The following EXD3 variants were observed in gnomAD, a reference collection of about 807,000 sequenced individuals.
The protein encoded by EXD3 is exonuclease 3'-5' domain containing 3, also known as exonuclease mut-7 homolog.
EXD3 carries 92 observed loss-of-function variants against 98.0 expected under a neutral mutation model. The ratio of observed to expected loss-of-function variants is 0.94; its 90% CI spans 0.79 to 1.12. EXD3 has a LOEUF of 1.12. EXD3 is among the 50% of genes most tolerant of loss of function. The pLI, the probability that EXD3 is intolerant of heterozygous loss-of-function variation, is 0.00. For missense variants in EXD3, 1,222 were observed against 1,191.6 expected (o/e 1.03, Z -0.38); for synonymous variants, 569 against 526.0 (o/e 1.08, Z -1.12).
chr9:137,313,152 A>G (rs554889745), intron 19 of EXD3, among the ~76,000 whole-genome samples: 24 of 152,096 alleles, frequency 1.6e-4, no homozygotes, highest in Non-Finnish European at 3.2e-4. Context: ...GCTTGAGGGA[A>G]AGAGGAGGGC....
At position 137,346,665 on chromosome 9, in the gene EXD3, G is replaced by C. The variant is rs111782856; in HGVS notation, c.1998+1406C>G. Among the ~76,000 whole-genome samples the C allele has an allele frequency of 1.5e-3, 232 of 151,944 alleles. 2 individuals are homozygous for C. The highest frequency in any genetic ancestry group is 5.4e-3 in the African/African-American group (222 of 41,204). Reference sequence around the variant, plus strand: ...CACTTTTAATGTCCGTATTTCCACAGACGGTCGGTTTCAAGGCCCTCTAGG... The same window carrying C: ...CACTTTTAATGTCCGTATTTCCACACACGGTCGGTTTCAAGGCCCTCTAGG... On this transcript the variant is annotated intron_variant, in intron 17 of 21. Transcript: ENST00000340951.
intron 17 of EXD3, among the ~76,000 whole-genome samples, chr9:137,335,030 T>C (rs1238186219): frequency 1.3e-5 from 2 of 151,492 alleles, no homozygotes; most frequent in Non-Finnish European, 2.9e-5. Context: ...TGAGCAGAGA[T>C]TGCACCACTG....
intron 17 of EXD3, among the ~76,000 whole-genome samples, chr9:137,334,235 CA>C (rs1274969738): frequency 6.6e-6 from 1 of 152,220 alleles, no homozygotes; most frequent in African/African-American, 2.4e-5. Context: ...CGCCCGACCT[CA>C]GGTAATCCGC....
At chr9:137,339,690 G>C (rs1833550005) in intron 17 of EXD3, among the ~76,000 whole-genome samples, 1 of 152,162 alleles carries the variant, frequency 6.6e-6, no homozygotes, top group African/African-American at 2.4e-5. Flanking sequence ...TGCCAGGAAA[G>C]CATTAGGTAG....
At chr9:137,327,568 T>A (rs1319727987) in intron 17 of EXD3, among the ~76,000 whole-genome samples, 1 of 152,118 alleles carries the variant, frequency 6.6e-6, no homozygotes, top group Non-Finnish European at 1.5e-5. Flanking sequence ...GTTATGTATG[T>A]TTTACCACAA....
rs146661398 is a variant in EXD3, at chr9:137,367,546, TCA to T, written c.516+388_516+389del. The stretch of plus-strand genomic sequence containing the variant: ...AGGACTGTGTCATCTGTCCGGAAAT[TCA>T]CAGTTAGGTGACTGCTTCCCCCAGC... On this transcript the variant is annotated intron_variant, in intron 6 of 21. Coordinates refer to ENST00000340951, the MANE Select transcript of EXD3 (RefSeq NM_017820.5). The T allele has an allele frequency of 5.4e-4, 101 of 186,308 alleles. No individual in the cohort carries two copies. The East Asian group carries it at 0.014, about 26-fold the overall frequency. 11.5% of individuals were successfully genotyped at this position (186,308 alleles called of 1,614,324 possible). A position where few individuals can be genotyped will look rare whatever the true frequency, so the allele number is the denominator to read the frequency against.
At chr9:137,353,035 C>T (rs1260093532) in intron 10 of EXD3, 40 of 1,328,470 alleles carry the variant, frequency 3.0e-5, no homozygotes, top group South Asian at 2.8e-4. Flanking sequence ...GCTGGCCTTC[C>T]GGGTCTCCAA....
rs1322956519 is a variant in EXD3, at chr9:137,351,162, C to A, written c.1385-15G>T. ...CATCCCGTAGCCTGTGGGCAGGAAC[C>A]ATCGTGGGAGGGGCGCCTGCAGGCA... On this transcript the variant is annotated splice_polypyrimidine_tract_variant and intron_variant, in intron 13 of 21. Transcript: ENST00000340951. The A allele has an allele frequency of 6.4e-7, 1 of 1,561,220 alleles. No individual in the cohort carries two copies.
chr9:137,388,425 G>A (rs1466183901), intron 2 of EXD3, among the ~76,000 whole-genome samples: 8 of 152,190 alleles, frequency 5.3e-5, no homozygotes, highest in Admixed American at 2.0e-4. Flanking sequence ...AACGACACCC[G>A]GCTAATGGGG....
At chr9:137,308,959 T>G (rs1831213172) in intron 20 of EXD3, among the ~76,000 whole-genome samples, 1 of 152,174 alleles carries the variant, frequency 6.6e-6, no homozygotes, top group Non-Finnish European at 1.5e-5. Flanking sequence ...CTGACCTCTT[T>G]CTATCCACCT....
Position 137,347,023 on chromosome 9 carries a change from C to T in EXD3, c.1998+1048G>A, listed in dbSNP as rs899119821. Among the ~76,000 whole-genome samples the T allele has an allele frequency of 6.6e-6, 1 of 152,128 alleles. No homozygotes were observed. The highest frequency in any genetic ancestry group is 1.5e-5 in the Non-Finnish European group (1 of 68,030). On this transcript the variant is annotated intron_variant, in intron 17 of 21. Coordinates refer to ENST00000340951, the MANE Select transcript of EXD3 (RefSeq NM_017820.5). This position sits in a 1 kb window ranked among gnomAD's most constrained non-coding sequence, Gnocchi z 4.2. ...GAGAGACAGGGTTTCACCATCTTGG[C>T]CAGGCTGGTCTTGAACCCCTGACCT... is the stretch of plus-strand genomic sequence containing the variant.
intron 17 of EXD3, among the ~76,000 whole-genome samples, chr9:137,344,092 C>T (rs898705375): frequency 1.3e-5 from 2 of 151,256 alleles, no homozygotes; most frequent in Admixed American, 1.3e-4. Flanking sequence ...GGGGTTTCAC[C>T]GTGTTAGCCA....
At chr9:137,412,881 G>A (rs1258501736) in intron 1 of EXD3, among the ~76,000 whole-genome samples, 3 of 151,900 alleles carry the variant, frequency 2.0e-5, no homozygotes, top group Non-Finnish European at 4.4e-5. Context: ...GGGCTCAAAC[G>A]ATCCTCCCAC....
At chr9:137,373,651 T>C in intron 3 of EXD3, 52 bp from the exon 4 acceptor site, 1 of 1,522,102 alleles carries the variant, frequency 6.6e-7, no homozygotes, top group Middle Eastern at 1.7e-4. Context: ...CAAAGCCTCC[T>C]GGCAAGGCCT....
At chr9:137,412,294 G>A (rs1011912447) in intron 1 of EXD3, among the ~76,000 whole-genome samples, 1 of 152,244 alleles carries the variant, frequency 6.6e-6, no homozygotes. Flanking sequence ...GAAAGTGCAA[G>A]ACACGTGATT....
rs1371095726 is a variant in EXD3 at position 137,405,888 on chromosome 9, A to T, written c.-47-10484T>A. On this transcript the variant is annotated intron_variant, in intron 1 of 21. Transcript: ENST00000340951. The surrounding 1 kb of genome is among the most constrained non-coding windows in gnomAD (Gnocchi z 4.1). ...CCACAGACACCTTGCCCGTGCCCCA[A>T]TGCCAGGCAGAGGCCTCTGTGCTCT... is the stretch of plus-strand genomic sequence containing the variant. Among the ~76,000 whole-genome samples, 1 of 152,200 alleles carries T rather than the reference A, an allele frequency of 6.6e-6. No homozygotes were observed. The highest frequency in any genetic ancestry group is 1.5e-5 in the Non-Finnish European group (1 of 68,030).
intron 1 of EXD3, among the ~76,000 whole-genome samples, chr9:137,419,729 G>A (rs1036170470): frequency 3.3e-5 from 5 of 152,092 alleles, no homozygotes; most frequent in Non-Finnish European, 7.4e-5. Flanking sequence ...TTTCTTCAAG[G>A]AAATTCATGG....
At chr9:137,348,833 G>A (rs1252427618) in intron 16 of EXD3, among the ~76,000 whole-genome samples, 2 of 151,714 alleles carry the variant, frequency 1.3e-5, no homozygotes, top group African/African-American at 2.4e-5. Flanking sequence ...TGCTGCCTTG[G>A]GCCATGGGAG....
At chr9:137,370,397 G>C (rs1317438973) in intron 5 of EXD3, among the ~76,000 whole-genome samples, 1 of 152,086 alleles carries the variant, frequency 6.6e-6, no homozygotes, top group African/African-American at 2.4e-5. Context: ...AAGAGTCCTG[G>C]ACCCCGTGGG....
Sources: gnomAD v4.1 joint callset for allele counts (sites outside exome capture counted in the v4.1 genomes callset) on GRCh38, gnomAD v4.1.1 for gene constraint, Gnocchi (gnomAD v3.1) non-coding constraint, MANE v1.5 for transcripts, NCBI Gene and HGNC (gene_info 2026-07-23, HGNC 2026-07-21) for gene names.